Variants in LTBP1 observed in about 807,000 individuals in gnomAD.
LTBP1 encodes the protein latent-transforming growth factor beta-binding protein 1.
Under a neutral mutation model 207.6 loss-of-function variants are expected in LTBP1, and 129 were observed. The observed-to-expected ratio is 0.62, with a 90% confidence interval of 0.54 to 0.72. The LOEUF is 0.72. LTBP1 is among the 30% of genes least tolerant of loss of function. The probability of loss-of-function intolerance (pLI) is 0.00; values close to 1 mark genes in which losing one functional copy is unlikely to be tolerated. For missense variants in LTBP1, 2,281 were observed against 2,217.2 expected, an observed-to-expected ratio of 1.03 and a Z score of -0.58; for synonymous variants, 963 against 833.7, an observed-to-expected ratio of 1.16 and a Z score of -2.67.
intron 13 of LTBP1, among the ~76,000 whole-genome samples, chr2:33,260,053 G>A (rs970905351): frequency 2.6e-5 from 4 of 152,132 alleles, no homozygotes; most frequent in Admixed American, 2.0e-4. Flanking sequence ...TGTTTGAATT[G>A]AGTTTGAGTA....
At chr2:33,113,569 AATTCACC>A (rs2080541336) in intron 4 of LTBP1, among the ~76,000 whole-genome samples, 1 of 152,198 alleles carries the variant, frequency 6.6e-6, no homozygotes, top group South Asian at 2.1e-4. Context: ...TTGATAATAC[AATTCACC>A]ATCCCTGTCC....
At chr2:33,230,345 A>T (rs991162919) in intron 9 of LTBP1, among the ~76,000 whole-genome samples, 4 of 152,192 alleles carry the variant, frequency 2.6e-5, no homozygotes, top group African/African-American at 9.6e-5. Flanking sequence ...GGAGCTTTCA[A>T]ATAATTGCCC....
intron 18 of LTBP1, among the ~76,000 whole-genome samples, chr2:33,277,570 T>A (rs575461624): frequency 8.5e-5 from 13 of 152,192 alleles, no homozygotes; most frequent in Middle Eastern, 3.4e-3. Flanking sequence ...ACTTTGTTAG[T>A]TTTCAAGAAG....
At chr2:33,266,630 C>T (rs140268333) in intron 15 of LTBP1, among the ~76,000 whole-genome samples, 40 of 152,308 alleles carry the variant, frequency 2.6e-4, no homozygotes, top group African/African-American at 9.4e-4. Flanking sequence ...AAACCCTGGA[C>T]TCAGCCAAAC....
intron 31 of LTBP1, among the ~76,000 whole-genome samples, chr2:33,383,928 A>G (rs2095243629): frequency 6.6e-6 from 1 of 152,228 alleles, no homozygotes; most frequent in Admixed American, 6.5e-5. Context: ...TTGCATTTTT[A>G]GCCCTGATGT....
intron 5 of LTBP1, among the ~76,000 whole-genome samples, chr2:33,173,820 C>A (rs1176908915): frequency 6.9e-6 from 1 of 145,112 alleles, no homozygotes; most frequent in African/African-American, 2.5e-5. Context: ...ATCAAGGGGG[C>A]TTCATCCCTG....
At position 33,350,460 on chromosome 2, in the gene LTBP1, C is replaced by A. The variant is rs147944151; in HGVS notation, c.4000+2950C>A. Among the ~76,000 whole-genome samples, 465 of 152,314 alleles carry A rather than the reference C, an allele frequency of 3.1e-3. 1 individual carries two copies. The highest frequency in any genetic ancestry group is 5.3e-3 in the Non-Finnish European group (362 of 68,028). ...CTGGAGTGCTTCCCGCGGAGGCATC[C>A]AAGAACAGGTGGGATACCCACTGGC... On this transcript the variant is annotated intron_variant, in intron 26 of 33. Coordinates refer to ENST00000404816, the MANE Select transcript of LTBP1 (RefSeq NM_206943.4).
At chr2:33,150,716 T>C (rs866466253) in intron 5 of LTBP1, among the ~76,000 whole-genome samples, 18 of 113,128 alleles carry the variant, frequency 1.6e-4, no homozygotes, top group East Asian at 1.0e-3. Flanking sequence ...TTTTCTTTTT[T>C]TTTTTTTTTT....
At chr2:32,975,803 A>G (rs1043092627) in intron 2 of LTBP1, among the ~76,000 whole-genome samples, 1 of 151,628 alleles carries the variant, frequency 6.6e-6, no homozygotes, top group Non-Finnish European at 1.5e-5. Context: ...CTTCTGTGTT[A>G]TTTTATTGTA....
intron 15 of LTBP1, among the ~76,000 whole-genome samples, chr2:33,268,196 A>C (rs1007581688): frequency 6.6e-6 from 1 of 152,260 alleles, no homozygotes; most frequent in African/African-American, 2.4e-5. Flanking sequence ...AATATAATTT[A>C]ACTCAAAATG....
chr2:33,052,967 T>C (rs1459776296), intron 3 of LTBP1, among the ~76,000 whole-genome samples: 1 of 151,194 alleles, frequency 6.6e-6, no homozygotes, highest in Non-Finnish European at 1.5e-5. Context: ...CTCTGCCTTC[T>C]GGGTGTAAGC....
chr2:33,104,531 G>T (rs190181834), intron 3 of LTBP1, among the ~76,000 whole-genome samples: 1 of 152,234 alleles, frequency 6.6e-6, no homozygotes, highest in Admixed American at 6.5e-5. Context: ...ATTTGCAGGT[G>T]GTCCTCTCCT....
At chr2:33,124,333 C>T (rs563193319) in intron 4 of LTBP1, among the ~76,000 whole-genome samples, 216 of 152,232 alleles carry the variant, frequency 1.4e-3, no homozygotes, top group Admixed American at 2.5e-3. Context: ...TCACTTGAAC[C>T]CAGAAGGCGG....
chr2:33,364,431 A>G lies in LTBP1; in HGVS notation c.4540+75A>G, dbSNP rs970374140. ...TTTCCTTTTAACTAAAATGTGAACT[A>G]TTGGAAAATAGAAAAATGGATTCCT... On this transcript the variant is annotated intron_variant, in intron 30 of 33. Transcript: ENST00000404816. 8.4e-6 allele frequency: 12 copies of G among 1,425,934 alleles called. No homozygotes were observed. In the African/African-American group the frequency reaches 1.6e-4, roughly 19 times the overall value. 88.3% of individuals were successfully genotyped at this position (1,425,934 alleles called of 1,614,324 possible).
intron 28 of LTBP1, among the ~76,000 whole-genome samples, chr2:33,362,334 G>A (rs758420389): frequency 3.9e-5 from 6 of 152,090 alleles, no homozygotes; most frequent in Non-Finnish European, 8.8e-5. Flanking sequence ...AATTCCATTT[G>A]TGTTCTTTTA....
chr2:32,985,454 C>G (rs971731475), intron 2 of LTBP1, among the ~76,000 whole-genome samples: 5 of 152,210 alleles, frequency 3.3e-5, no homozygotes, highest in Non-Finnish European at 7.3e-5. Context: ...ACTCTTCTGT[C>G]TCCTAGAGGA....
chr2:33,397,062 C>T, intron 32 of LTBP1, 71 bp from the exon 33 acceptor site: 3 of 1,429,020 alleles, frequency 2.1e-6, no homozygotes, highest in Non-Finnish European at 2.9e-6. Context: ...GAACCATCAT[C>T]TAAATATCAT....
intron 21 of LTBP1, among the ~76,000 whole-genome samples, chr2:33,301,068 A>C (rs2093980935): frequency 6.6e-6 from 1 of 152,214 alleles, no homozygotes; most frequent in Non-Finnish European, 1.5e-5. Flanking sequence ...TTTGCAAAAT[A>C]TGTTCTGTTC....
At chr2:33,383,747 G>A (rs2095241806) in intron 31 of LTBP1, among the ~76,000 whole-genome samples, 1 of 152,034 alleles carries the variant, frequency 6.6e-6, no homozygotes, top group Non-Finnish European at 1.5e-5. Context: ...ATGTTGCCCA[G>A]GCTGGTCTCA....
Sources: allele counts gnomAD v4.1 joint callset (sites outside exome capture counted in the v4.1 genomes callset), GRCh38; gene constraint gnomAD v4.1.1; transcripts MANE v1.5; gene names NCBI Gene and HGNC (gene_info 2026-07-23, HGNC 2026-07-21).